Variants in SYNE2 observed in about 807,000 individuals in gnomAD.
SYNE2 encodes spectrin repeat containing nuclear envelope protein 2.
SYNE2 carries 431 observed loss-of-function variants against 856.3 expected under a neutral mutation model. That is an observed-to-expected ratio of 0.50 (90% CI 0.47 to 0.55). SYNE2 has a LOEUF of 0.55. Among genes scored for constraint, SYNE2 ranks in the 20% least tolerant of loss-of-function variants. The probability of loss-of-function intolerance (pLI) is 0.00; values close to 1 mark genes in which losing one functional copy is unlikely to be tolerated. For synonymous variants in SYNE2, 2,923 were observed against 2,872.3 expected, an observed-to-expected ratio of 1.02 and a Z score of -0.56; for missense variants, 8,129 against 8,023.2, an observed-to-expected ratio of 1.01 and a Z score of -0.50.
At chr14:63,945,589 C>G (rs1188041300) in intron 6 of SYNE2, among the ~76,000 whole-genome samples, 3 of 151,984 alleles carry the variant, frequency 2.0e-5, no homozygotes, top group African/African-American at 7.3e-5. Flanking sequence ...ATTTCTTTTG[C>G]TGCCAGTTTT....
intron 1 of SYNE2, among the ~76,000 whole-genome samples, chr14:63,866,232 C>T (rs1266780419): frequency 6.6e-6 from 1 of 152,104 alleles, no homozygotes; most frequent in East Asian, 1.9e-4. Flanking sequence ...AAACAAAACT[C>T]GAAACACCAA....
chr14:63,960,074 T>C (rs1315770521), intron 8 of SYNE2, among the ~76,000 whole-genome samples: 2 of 152,246 alleles, frequency 1.3e-5, no homozygotes, highest in African/African-American at 4.8e-5. Context: ...ACACATTTAA[T>C]CTTCACGTGT....
At chr14:63,977,827 T>C (rs1410164560) in intron 12 of SYNE2, 78 bp from the exon 13 acceptor site, 6 of 990,946 alleles carry the variant, frequency 6.1e-6, no homozygotes, top group Non-Finnish European at 9.7e-6. Flanking sequence ...AAAGATGTAA[T>C]GCAAGTGAGA....
chr14:63,947,576 C>T (rs537234590), intron 6 of SYNE2, among the ~76,000 whole-genome samples: 1 of 152,100 alleles, frequency 6.6e-6, no homozygotes, highest in South Asian at 2.1e-4. Flanking sequence ...TGGCTCATGC[C>T]TGTAATCCCA....
chr14:64,194,991 G>A (rs190001583), intron 99 of SYNE2, among the ~76,000 whole-genome samples: 408 of 152,292 alleles, frequency 2.7e-3, no homozygotes, highest in African/African-American at 9.2e-3. Context: ...TCCTTAATGA[G>A]AGAACTCTGC....
intron 23 of SYNE2, 145 bp downstream of exon 23, chr14:63,995,347 A>G (rs2096704997): frequency 1.6e-6 from 1 of 636,058 alleles, no homozygotes. Context: ...TCTTTGCTTC[A>G]CACTCGCAGC....
At chr14:64,050,799 A>G (rs988572671) in intron 47 of SYNE2, among the ~76,000 whole-genome samples, 1 of 152,114 alleles carries the variant, frequency 6.6e-6, no homozygotes, top group Non-Finnish European at 1.5e-5. Context: ...CAGGTGGATC[A>G]CTTAAGGTCA....
At chr14:64,143,638 T>TAGAAC in intron 82 of SYNE2, 134 bp from the exon 83 acceptor site, 1 of 891,042 alleles carries the variant, frequency 1.1e-6, no homozygotes, top group Non-Finnish European at 1.8e-6. Context: ...TTGGGGAGGG[T>TAGAAC]AGAACAGAAC....
intron 106 of SYNE2, among the ~76,000 whole-genome samples, chr14:64,215,020 A>T (rs1002998433): frequency 6.6e-6 from 1 of 152,174 alleles, no homozygotes; most frequent in African/African-American, 2.4e-5. Flanking sequence ...GATTGCAGAC[A>T]TGAGCCACTG....
chr14:63,949,340 G>A (rs540816850), intron 6 of SYNE2, among the ~76,000 whole-genome samples: 101 of 152,150 alleles, frequency 6.6e-4, no homozygotes, highest in Middle Eastern at 3.4e-3. Flanking sequence ...AATTATTAAT[G>A]CAATTGTTTT....
At chr14:64,002,225 GT>G in intron 29 of SYNE2, 144 bp downstream of exon 29, 1 of 747,504 alleles carries the variant, frequency 1.3e-6, no homozygotes. Context: ...ATTTAGACTT[GT>G]TTTTTATTTC....
At chr14:64,212,185 CTGAGAGCAAAT>C in intron 104 of SYNE2, 87 bp downstream of exon 104, 1 of 1,598,406 alleles carries the variant, frequency 6.3e-7, no homozygotes, top group Admixed American at 1.7e-5. Flanking sequence ...ACACGATACT[CTGAGAGCAAAT>C]TTCAGAATTC....
chr14:63,841,068 C>T (rs1349961257), intron 1 of SYNE2, among the ~76,000 whole-genome samples: 1 of 151,986 alleles, frequency 6.6e-6, no homozygotes, highest in Non-Finnish European at 1.5e-5. Context: ...AGACATCACC[C>T]CTAGGGCAGG....
intron 76 of SYNE2, among the ~76,000 whole-genome samples, chr14:64,131,589 TG>T (rs2098022025): frequency 1.3e-5 from 2 of 152,310 alleles, no homozygotes; most frequent in East Asian, 3.9e-4. Flanking sequence ...TTTTTGTTTT[TG>T]TTTTTTTAAG....
intron 1 of SYNE2, among the ~76,000 whole-genome samples, chr14:63,847,523 T>C (rs1387725482): frequency 6.6e-6 from 1 of 152,106 alleles, no homozygotes; most frequent in Non-Finnish European, 1.5e-5. Context: ...GAAAATTTCC[T>C]TATGATATAG....
At chr14:64,020,849 G>A (rs937555199) in intron 35 of SYNE2, among the ~76,000 whole-genome samples, 2 of 152,064 alleles carry the variant, frequency 1.3e-5, no homozygotes, top group African/African-American at 2.4e-5. Context: ...GTGAGGTTCC[G>A]GCTGTACTAC....
At chr14:63,804,454 T>A (rs1235314788) in intron 1 of SYNE2, among the ~76,000 whole-genome samples, 1 of 152,150 alleles carries the variant, frequency 6.6e-6, no homozygotes, top group African/African-American at 2.4e-5. Flanking sequence ...ATATCCAGAA[T>A]GGTATTTCCT....
chr14:63,977,360 C>T (rs2096552198), intron 12 of SYNE2, among the ~76,000 whole-genome samples: 1 of 151,964 alleles, frequency 6.6e-6, no homozygotes, highest in Non-Finnish European at 1.5e-5. Flanking sequence ...CTACAGGTGC[C>T]CACTACCACA....
At chr14:64,129,687 A>T (rs1029687802) in intron 74 of SYNE2, 95 bp from the exon 75 acceptor site, 1 of 1,563,348 alleles carries the variant, frequency 6.4e-7, no homozygotes, top group Admixed American at 1.8e-5. Flanking sequence ...TTTTCCCTTC[A>T]TCCCTTTCTG....
Sources: gnomAD v4.1 joint callset for allele counts (sites outside exome capture counted in the v4.1 genomes callset) on GRCh38, gnomAD v4.1.1 for gene constraint, MANE v1.5 for transcripts, NCBI Gene and HGNC (gene_info 2026-07-23, HGNC 2026-07-21) for gene names.